Variants in CEP290 observed in about 807,000 individuals in gnomAD.
The protein encoded by CEP290 is centrosomal protein of 290 kDa.
CEP290 carries 317 observed loss-of-function variants against 344.9 expected under a neutral mutation model. The observed-to-expected ratio is 0.92, with a 90% confidence interval of 0.84 to 1.01. The LOEUF (loss-of-function observed/expected upper bound fraction) is 1.01, where lower values mean the gene tolerates loss of function less well. CEP290 is among the 50% of genes least tolerant of loss of function. The pLI is 0.00. For synonymous variants in CEP290, 932 were observed against 895.8 expected, an observed-to-expected ratio of 1.04 and a Z score of -0.72; for missense variants, 2,754 against 2,761.4, an observed-to-expected ratio of 1.00 and a Z score of 0.06.
Position 88,111,355 on chromosome 12 carries a change from GAA to G in CEP290, c.2218-6_2218-5del. ...TTTCTTTTTCAAGATGGTCTATCTGGAAAAAAAAATCCAGCAATGAGAATCAC... is the reference window on the plus strand; with the variant it reads ...TTTCTTTTTCAAGATGGTCTATCTGGAAAAAAATCCAGCAATGAGAATCAC... On this transcript the variant is annotated splice_polypyrimidine_tract_variant and splice_region_variant and intron_variant, in intron 21 of 53. Transcript: ENST00000552810. 6.5e-7 allele frequency: 1 copy of G among 1,541,290 alleles called. No homozygotes were observed. Among genetic ancestry groups the G allele is most frequent in the Non-Finnish European group, 8.7e-7 (1 of 1,144,602 alleles).
In CEP290 at chr12:88,062,722, T is replaced by C. The variant is rs184095604; in HGVS notation, c.6327A>G (p.Glu2109=). 1 of 1,602,826 alleles carries C rather than the reference T, an allele frequency of 6.2e-7. No homozygotes were observed. The highest frequency in any genetic ancestry group is 8.5e-7 in the Non-Finnish European group (1 of 1,173,940). Residue 2109 remains glutamate, a synonymous_variant, in exon 46 of 54, where the codon GAA becomes GAG. Coordinates refer to ENST00000552810, the MANE Select transcript of CEP290 (RefSeq NM_025114.4). ...MCEFLKKEKA[E]VQRKLGHVRG... is the part of the protein sequence containing the mutation. ...TAACATGGCCAAGTTTCCGCTGAACTTCTGCTTTTTCTTTCTTAAGAAATT... is the reference window on the plus strand; with the variant it reads ...TAACATGGCCAAGTTTCCGCTGAACCTCTGCTTTTTCTTTCTTAAGAAATT...
At chr12:88,072,062 T>C (rs1205051471) in intron 41 of CEP290, 136 bp from the exon 42 acceptor site, 3 of 844,624 alleles carry the variant, frequency 3.6e-6, no homozygotes, top group Non-Finnish European at 5.1e-6. Flanking sequence ...TTCATTTTGC[T>C]ATACAGGTTG....
intron 5 of CEP290, among the ~76,000 whole-genome samples, chr12:88,137,412 A>C (rs939163837): frequency 6.6e-6 from 1 of 152,220 alleles, no homozygotes; most frequent in Non-Finnish European, 1.5e-5. Context: ...GGTTTTGGTT[A>C]TCTTAAGATT....
Position 88,107,013 on chromosome 12 carries a change from T to C in CEP290, c.2569A>G (p.Lys857Glu). 6.5e-7 allele frequency: 1 copy of C among 1,549,332 alleles called. No homozygotes were observed. The highest frequency in any genetic ancestry group is 8.7e-7 in the Non-Finnish European group (1 of 1,147,156). ...TTACTTACATTATATTCTTTTACTT[T>C]TATAGCATCTTGTTGGACTTGATCC... ...LEDQVQQDAIKVKEYNNLLNA... is the reference protein window; with the variant it reads ...LEDQVQQDAIEVKEYNNLLNA... The change falls in exon 24 of 54, where the codon AAA becomes GAA. Residue 857 changes from lysine to glutamate, a missense_variant. Physicochemically the swap from Lys to Glu is moderately conservative, Grantham distance 56. Coordinates refer to ENST00000552810, the MANE Select transcript of CEP290 (RefSeq NM_025114.4).
Position 88,049,209 on chromosome 12 carries a change from C to CT in CEP290, c.7414dup (p.Ser2472LysfsTer4). The CT allele has an allele frequency of 6.3e-7, 1 of 1,598,340 alleles. No homozygotes were observed. Among genetic ancestry groups the CT allele is most frequent in the Non-Finnish European group, 8.5e-7 (1 of 1,175,468 alleles). On this transcript the variant is annotated frameshift_variant, in exon 54 of 54. Coordinates refer to ENST00000552810, the MANE Select transcript of CEP290 (RefSeq NM_025114.4). LOFTEE classifies it high-confidence loss of function. ...TTAGTAAATGGGGAAATTAACAGGA[C>CT]TTTCTTCTTCATCTTCAAACTCTTC...
chr12:88,080,425 G>GT (rs752474084), intron 37 of CEP290, 30 bp from the exon 38 acceptor site: 5 of 1,507,556 alleles, frequency 3.3e-6, no homozygotes, highest in Non-Finnish European at 2.7e-6. Context: ...GTGTGTGTGT[G>GT]TTTTTTAATT....
chr12:88,136,474 A>G (rs2040358230), intron 6 of CEP290, 169 bp downstream of exon 6: 1 of 638,056 alleles, frequency 1.6e-6, no homozygotes, highest in Non-Finnish European at 2.7e-6. Flanking sequence ...GTACCATTAT[A>G]TTTTAAAATT....
intron 52 of CEP290, among the ~76,000 whole-genome samples, chr12:88,051,529 G>T (rs1302152594): frequency 6.6e-6 from 1 of 152,046 alleles, no homozygotes; most frequent in East Asian, 1.9e-4. Context: ...AAGTTATCTT[G>T]CCATTTATAT....
At chr12:88,141,485 T>C (rs769885546) in intron 1 of CEP290, among the ~76,000 whole-genome samples, 151 bp from the exon 2 acceptor site, 3 of 151,336 alleles carry the variant, frequency 2.0e-5, no homozygotes, top group Non-Finnish European at 2.9e-5. Context: ...GTGGGCAAAA[T>C]AGCCTTGATC....
In CEP290 at chr12:88,089,396, T is replaced by A; in HGVS notation, c.3665A>T (p.Glu1222Val). The A allele has an allele frequency of 6.2e-7, 1 of 1,613,232 alleles. No homozygotes were observed. Residue 1222 changes from glutamate to valine, a missense_variant, in exon 31 of 54, where the codon GAG (glutamate) becomes GTG (valine). By Grantham distance (121) the Glu-to-Val change is moderately radical. Transcript: ENST00000552810. Reference protein sequence around the residue: ...LSEATALGKLESITSKLQKME... With the variant: ...LSEATALGKLVSITSKLQKME... ...CTTCTGCAGTTTAGATGTAATTGAC[T>A]CCAACTTACCAAGAGCAGTAGCCTC... is the stretch of plus-strand genomic sequence containing the variant.
chr12:88,050,639 A>G (rs1013631527), intron 52 of CEP290, among the ~76,000 whole-genome samples: 5 of 152,184 alleles, frequency 3.3e-5, no homozygotes, highest in Non-Finnish European at 7.4e-5. Context: ...GCAGGCAGAA[A>G]GAGGTATGTG....
At position 88,102,991 on chromosome 12, in the gene CEP290, A is replaced by G. The variant is rs1489509495; in HGVS notation, c.2838T>C (p.Ile946=). 6.4e-7 allele frequency: 1 copy of G among 1,555,884 alleles called. No individual in the cohort carries two copies. The highest frequency in any genetic ancestry group is 8.6e-7 in the Non-Finnish European group (1 of 1,158,478). The change falls in exon 26 of 54, where the codon ATT becomes ATC. Residue 946 remains isoleucine (I), a synonymous_variant. Transcript: ENST00000552810. ...TATCTACAACTTTTTGGAGAGCTGC[A>G]ATCTTGAAAATGGCCATTTCCTATG... ...QRFKEMAIFK[I]AALQKVVDNS...
intron 25 of CEP290, chr12:88,103,446 C>T (rs912018295): frequency 3.3e-5 from 5 of 152,844 alleles, no homozygotes; most frequent in African/African-American, 9.7e-5. Flanking sequence ...AACGGACTAG[C>T]TTTAATAACA....
intron 22 of CEP290, among the ~76,000 whole-genome samples, chr12:88,110,143 T>C (rs1391703186): frequency 2.0e-5 from 3 of 151,976 alleles, no homozygotes; most frequent in Non-Finnish European, 2.9e-5. Flanking sequence ...CAGAGAGAAA[T>C]AGTGGCCCAT....
intron 49 of CEP290, chr12:88,058,642 C>A: frequency 1.7e-6 from 1 of 600,166 alleles, no homozygotes; most frequent in Non-Finnish European, 2.9e-6. Context: ...CCCTGCCACC[C>A]AAACAAGGTT....
intron 44 of CEP290, among the ~76,000 whole-genome samples, chr12:88,067,493 G>A (rs2035031625): frequency 6.6e-6 from 1 of 151,628 alleles, no homozygotes; most frequent in Non-Finnish European, 1.5e-5. Context: ...ATCACCCTCA[G>A]CTCACTAAGC....
chr12:88,080,251 T>C lies in CEP290; in HGVS notation c.5157A>G (p.Pro1719=), dbSNP rs1215659876. The part of the protein sequence containing the change: ...QAQKEANSRA[P]TTTMRNLVER... ...CTACTAGATTTCTCATTGTAGTTGT[T>C]GGAGCTCTTGAATTTGCTTCTTTTT... Residue 1719 remains proline, a synonymous_variant, in exon 38 of 54, where the codon CCA becomes CCG. Transcript: ENST00000552810. 1 of 1,613,624 alleles carries C rather than the reference T, an allele frequency of 6.2e-7. No individual in the cohort carries two copies. The highest frequency in any genetic ancestry group is 2.2e-5 in the East Asian group (1 of 44,864).
intron 41 of CEP290, among the ~76,000 whole-genome samples, chr12:88,074,601 C>T (rs1021121827): frequency 1.3e-5 from 2 of 152,176 alleles, no homozygotes; most frequent in Admixed American, 1.3e-4. Flanking sequence ...TGTGTTAGGC[C>T]TTCCGAGCAC....
intron 39 of CEP290, 98 bp downstream of exon 39, chr12:88,078,994 T>A: frequency 9.7e-7 from 1 of 1,028,850 alleles, no homozygotes; most frequent in Non-Finnish European, 1.3e-6. Context: ...GCATTATAAA[T>A]TCCCTATTCA....
Sources: gnomAD v4.1 joint callset for allele counts (sites outside exome capture counted in the v4.1 genomes callset) on GRCh38, gnomAD v4.1.1 for gene constraint, MANE v1.5 for transcripts, NCBI Gene and HGNC (gene_info 2026-07-23, HGNC 2026-07-21) for gene names.